Variants in GRM3 observed in about 807,000 individuals in gnomAD.
GRM3 encodes glutamate metabotropic receptor 3.
Under a neutral mutation model 70.5 loss-of-function variants are expected in GRM3, and 26 were observed. That is an observed-to-expected ratio of 0.37 (90% CI 0.27 to 0.51). The LOEUF is 0.51. GRM3 is among the 20% of genes least tolerant of loss of function. The pLI, the probability that GRM3 is intolerant of heterozygous loss-of-function variation, is 0.93. For missense variants in GRM3, 859 were observed against 1,123.8 expected, an observed-to-expected ratio of 0.76 and a Z score of 3.37; for synonymous variants, 443 against 434.9, an observed-to-expected ratio of 1.02 and a Z score of -0.23.
intron 1 of GRM3, among the ~76,000 whole-genome samples, chr7:86,725,983 C>G (rs1020395705): frequency 6.6e-6 from 1 of 152,252 alleles, no homozygotes; most frequent in Middle Eastern, 3.4e-3. Context: ...AAGGCCCCAC[C>G]TCCAAATATC....
At chr7:86,664,636 A>G (rs1050569205) in intron 1 of GRM3, among the ~76,000 whole-genome samples, 8 of 151,944 alleles carry the variant, frequency 5.3e-5, no homozygotes, top group Non-Finnish European at 1.2e-4. Flanking sequence ...TTCAGAAGCT[A>G]CACTAGGCTC....
intron 3 of GRM3, among the ~76,000 whole-genome samples, chr7:86,790,873 C>T (rs1797393763): frequency 6.6e-6 from 1 of 152,078 alleles, no homozygotes; most frequent in African/African-American, 2.4e-5. Flanking sequence ...CCCCAACCCC[C>T]ACTACAGATG....
At chr7:86,831,159 G>T (rs997162956) in intron 3 of GRM3, among the ~76,000 whole-genome samples, 3 of 152,172 alleles carry the variant, frequency 2.0e-5, no homozygotes, top group African/African-American at 7.2e-5. Context: ...CTAATACAAT[G>T]GTTGTAGAAA....
chr7:86,808,080 T>C (rs1380765342), intron 3 of GRM3, among the ~76,000 whole-genome samples: 1 of 152,180 alleles, frequency 6.6e-6, no homozygotes, highest in Non-Finnish European at 1.5e-5. Flanking sequence ...CAGCCTTGCA[T>C]CCCAGGGATG....
At chr7:86,772,181 GAGTA>G (rs1315445388) in intron 2 of GRM3, among the ~76,000 whole-genome samples, 6 of 152,070 alleles carry the variant, frequency 3.9e-5, no homozygotes, top group Non-Finnish European at 8.8e-5. Context: ...ACCAGGTAGA[GAGTA>G]AGTCTTTGTT....
chr7:86,819,157 A>G (rs4728651), intron 3 of GRM3, among the ~76,000 whole-genome samples: 5 of 152,096 alleles, frequency 3.3e-5, no homozygotes, highest in Admixed American at 3.3e-4. Context: ...GCTTGAAGCC[A>G]TTTGCTGAAT....
chr7:86,789,929 C>A (rs1797363660), intron 3 of GRM3, among the ~76,000 whole-genome samples: 1 of 152,176 alleles, frequency 6.6e-6, no homozygotes, highest in African/African-American at 2.4e-5. Flanking sequence ...TAGAGCTATG[C>A]CTTGCTAAAG....
chr7:86,763,595 A>G (rs1796531761), intron 1 of GRM3, among the ~76,000 whole-genome samples: 3 of 152,286 alleles, frequency 2.0e-5, no homozygotes, highest in South Asian at 4.1e-4. Flanking sequence ...CCTGATTCCC[A>G]ATAGATTCAT....
In GRM3 at chr7:86,644,383, G is replaced by A; in HGVS notation, c.-630G>A. On this transcript the variant is annotated 5_prime_UTR_variant, in exon 1 of 6. Transcript: ENST00000361669. Reference sequence around the variant, plus strand: ...GCCAGGAGGTCCGTGCTTCTGCCAAGAGTCCCAATTAGATGCGACGGCTTC... The same window carrying A: ...GCCAGGAGGTCCGTGCTTCTGCCAAAAGTCCCAATTAGATGCGACGGCTTC... 4 of 304,464 alleles carry A rather than the reference G, an allele frequency of 1.3e-5. No homozygotes were observed. Among genetic ancestry groups the A allele is most frequent in the Middle Eastern group, 1.2e-3 (1 of 832 alleles). 18.9% of individuals were successfully genotyped at this position (304,464 alleles called of 1,614,324 possible). A position where few individuals can be genotyped will look rare whatever the true frequency, so the allele number is the denominator to read the frequency against.
In GRM3 at chr7:86,848,990, A is replaced by G. The variant is rs774656883; in HGVS notation, c.2392-1380A>G. ...CCCCTCCTCCTAAAAGCCTCTCCTC[A>G]CCTCTTCTTGTAATGTCTTAAAGTG... On this transcript the variant is annotated intron_variant, in intron 4 of 5. Transcript: ENST00000361669. 1.8e-3 allele frequency among the ~76,000 whole-genome samples: 268 copies of G among 152,078 alleles called. 2 individuals are homozygous for G. The highest frequency in any genetic ancestry group is 3.1e-3 in the Non-Finnish European group (210 of 67,956).
At chr7:86,692,888 G>A (rs1406545362) in intron 1 of GRM3, among the ~76,000 whole-genome samples, 3 of 152,148 alleles carry the variant, frequency 2.0e-5, no homozygotes, top group Non-Finnish European at 4.4e-5. Flanking sequence ...GTCAGGTATG[G>A]GGCTCAGGAC....
intron 2 of GRM3, chr7:86,784,359 T>C (rs1797167448): frequency 6.6e-6 from 1 of 152,196 alleles, no homozygotes; most frequent in Non-Finnish European, 1.5e-5. Flanking sequence ...TCTGTCTCCC[T>C]GAGGGGTTCA....
chr7:86,741,182 T>C (rs1795982428), intron 1 of GRM3, among the ~76,000 whole-genome samples: 1 of 152,120 alleles, frequency 6.6e-6, no homozygotes, highest in South Asian at 2.1e-4. Flanking sequence ...AACTCTAATA[T>C]GGATGGTACT....
At chr7:86,812,591 C>T (rs76129956) in intron 3 of GRM3, among the ~76,000 whole-genome samples, 19 of 151,760 alleles carry the variant, frequency 1.3e-4, no homozygotes, top group African/African-American at 4.6e-4. Context: ...TTTCAAAGCC[C>T]ATTAGAATCT....
intron 4 of GRM3, among the ~76,000 whole-genome samples, chr7:86,848,562 T>A (rs1350633462): frequency 6.6e-6 from 1 of 152,098 alleles, no homozygotes; most frequent in Admixed American, 6.6e-5. Flanking sequence ...AGATCTCTAT[T>A]TTGATTTGTC....
At chr7:86,769,627 G>C (rs1302047908) in intron 2 of GRM3, among the ~76,000 whole-genome samples, 1 of 152,140 alleles carries the variant, frequency 6.6e-6, no homozygotes, top group Non-Finnish European at 1.5e-5. Flanking sequence ...TGCTGTGTTA[G>C]TTCATACAAT....
chr7:86,664,192 G>A (rs1458484409), intron 1 of GRM3, among the ~76,000 whole-genome samples: 2 of 151,848 alleles, frequency 1.3e-5, no homozygotes, highest in African/African-American at 4.8e-5. Flanking sequence ...GAATGATGGG[G>A]GTTGAGGGGT....
At chr7:86,722,476 A>G (rs560511684) in intron 1 of GRM3, among the ~76,000 whole-genome samples, 1 of 152,042 alleles carries the variant, frequency 6.6e-6, no homozygotes, top group Non-Finnish European at 1.5e-5. Context: ...GCTGGAAACC[A>G]TCATTCTCAG....
intron 1 of GRM3, among the ~76,000 whole-genome samples, chr7:86,734,130 G>A (rs1399186124): frequency 6.6e-6 from 1 of 152,168 alleles, no homozygotes; most frequent in Admixed American, 6.5e-5. Context: ...GGACTCCAAA[G>A]AATACCTGAT....
Sources: allele counts gnomAD v4.1 joint callset (sites outside exome capture counted in the v4.1 genomes callset), GRCh38; gene constraint gnomAD v4.1.1; transcripts MANE v1.5; gene names NCBI Gene and HGNC (gene_info 2026-07-23, HGNC 2026-07-21).